Variants in DDX50 observed in about 807,000 individuals in gnomAD.
DDX50 encodes the protein ATP-dependent RNA helicase DDX50.
A neutral mutation model predicts 94.8 loss-of-function variants in DDX50; 56 were observed. The ratio of observed to expected loss-of-function variants is 0.59; its 90% confidence interval spans 0.48 to 0.74. The LOEUF is 0.74. Among genes scored for constraint, DDX50 ranks in the 30% least tolerant of loss-of-function variants. The pLI, the probability that DDX50 is intolerant of heterozygous loss-of-function variation, is 0.00. For synonymous variants in DDX50, 264 were observed against 295.4 expected, an observed-to-expected ratio of 0.89 and a Z score of 1.09; for missense variants, 713 against 881.2, an observed-to-expected ratio of 0.81 and a Z score of 2.42.
intron 8 of DDX50, among the ~76,000 whole-genome samples, chr10:68,930,307 G>A (rs563889934): frequency 6.6e-6 from 1 of 151,534 alleles, no homozygotes; most frequent in South Asian, 2.1e-4. Flanking sequence ...TAGTAGAGAC[G>A]GGGTTTCACC....
intron 14 of DDX50, among the ~76,000 whole-genome samples, chr10:68,945,290 A>T (rs1210237929): frequency 1.4e-5 from 2 of 147,604 alleles, no homozygotes; most frequent in Admixed American, 6.9e-5. Flanking sequence ...CCTTAGCAAC[A>T]GGGTGTCTTA....
intron 13 of DDX50, among the ~76,000 whole-genome samples, chr10:68,941,464 A>G (rs922062489): frequency 9.9e-5 from 15 of 152,020 alleles, no homozygotes; most frequent in African/African-American, 3.6e-4. Context: ...ACATGTGTTT[A>G]TTCTCTTTTT....
chr10:68,912,388 A>T (rs1841651540), intron 4 of DDX50, among the ~76,000 whole-genome samples: 1 of 151,732 alleles, frequency 6.6e-6, no homozygotes, highest in Non-Finnish European at 1.5e-5. Context: ...CTAATTTTTT[A>T]TTTTTTGTAG....
chr10:68,938,527 TG>T (rs1412470210), intron 12 of DDX50, among the ~76,000 whole-genome samples: 3 of 152,168 alleles, frequency 2.0e-5, no homozygotes, highest in Non-Finnish European at 4.4e-5. Flanking sequence ...AGCCTGCTGG[TG>T]GGATTTTCAA....
chr10:68,924,254 G>A (rs1311568196), intron 8 of DDX50, among the ~76,000 whole-genome samples: 1 of 152,098 alleles, frequency 6.6e-6, no homozygotes, highest in Non-Finnish European at 1.5e-5. Context: ...TTACAGGCAT[G>A]AGCCACCGTG....
intron 3 of DDX50, among the ~76,000 whole-genome samples, chr10:68,910,692 C>T (rs1043150523): frequency 3.3e-5 from 5 of 152,198 alleles, no homozygotes; most frequent in African/African-American, 9.7e-5. Context: ...TGAGCCACCA[C>T]GGCTGGCCCA....
intron 4 of DDX50, among the ~76,000 whole-genome samples, 171 bp downstream of exon 4, chr10:68,911,417 G>A (rs535877403): frequency 7.2e-5 from 11 of 152,286 alleles, no homozygotes; most frequent in Non-Finnish European, 1.5e-4. Context: ...TTAAAGTGAA[G>A]TAGTTTTTGC....
chr10:68,912,505 C>T (rs1034057923), intron 4 of DDX50, among the ~76,000 whole-genome samples: 5 of 152,134 alleles, frequency 3.3e-5, no homozygotes, highest in Admixed American at 6.6e-5. Context: ...TGAGCCTCCA[C>T]GCCTGGCCCC....
chr10:68,919,410 A>T (rs983476746), intron 7 of DDX50, among the ~76,000 whole-genome samples: 5 of 152,102 alleles, frequency 3.3e-5, no homozygotes, highest in African/African-American at 1.2e-4. Flanking sequence ...AAGTTCCCTC[A>T]TGCCCCGTCC....
rs879365895 is a variant in DDX50, at chr10:68,929,311, CTCTTTCTT to C, written c.1240-4884_1240-4877del. On this transcript the variant is annotated intron_variant, in intron 8 of 14. Transcript: ENST00000373585. The stretch of plus-strand genomic sequence containing the variant: ...TTCCTTCCTCTCTCTCTCTCTCTCT[CTCTTTCTT>C]TCTCTTTCTTTCTTTCCTTCCTTCC... 2.2e-5 allele frequency among the ~76,000 whole-genome samples: 3 copies of C among 138,756 alleles called. No individual in the cohort carries two copies. In the South Asian group the frequency reaches 6.9e-4, roughly 32 times the overall value. 91.0% of individuals were successfully genotyped at this position (138,756 alleles called of 152,430 possible). A position where few individuals can be genotyped will look rare whatever the true frequency, so the allele number is the denominator to read the frequency against.
intron 2 of DDX50, 144 bp downstream of exon 2, chr10:68,907,151 A>C: frequency 1.3e-6 from 1 of 798,552 alleles, no homozygotes; most frequent in Non-Finnish European, 1.9e-6. Context: ...TGTACAGGTG[A>C]AGCCTGAGCC....
chr10:68,931,434 C>CACACACACACACACAT (rs1842270534), intron 8 of DDX50, among the ~76,000 whole-genome samples: 1 of 139,450 alleles, frequency 7.2e-6, no homozygotes, highest in South Asian at 2.3e-4. Context: ...TATACACAAA[C>CACACACACACACACAT]ACACACACAC....
chr10:68,912,011 G>A (rs1286920231), intron 4 of DDX50, among the ~76,000 whole-genome samples: 1 of 152,116 alleles, frequency 6.6e-6, no homozygotes, highest in African/African-American at 2.4e-5. Flanking sequence ...CTCCTGAGTG[G>A]TATTATAAGA....
At chr10:68,923,348 C>T (rs1029630180) in intron 8 of DDX50, among the ~76,000 whole-genome samples, 4 of 149,432 alleles carry the variant, frequency 2.7e-5, no homozygotes, top group Non-Finnish European at 4.4e-5. Flanking sequence ...GTACCTGAAA[C>T]CACAGGTGCA....
At chr10:68,904,887 C>CA (rs1491208819) in intron 1 of DDX50, among the ~76,000 whole-genome samples, 1 of 152,174 alleles carries the variant, frequency 6.6e-6, no homozygotes, top group Non-Finnish European at 1.5e-5. Flanking sequence ...GTTCAATTCT[C>CA]ACAGCAATTC....
Position 68,914,042 on chromosome 10 carries a change from C to G in DDX50, c.944-17C>G. 1 of 1,559,916 alleles carries G rather than the reference C, an allele frequency of 6.4e-7. No homozygotes were observed. The highest frequency in any genetic ancestry group is 8.6e-7 in the Non-Finnish European group (1 of 1,159,992). On this transcript the variant is annotated splice_polypyrimidine_tract_variant and intron_variant, in intron 6 of 14. Transcript: ENST00000373585. ...GGGAAATTAAGAAAACATTTGAATT[C>G]TTTTTGTTTATTTAAGATTCTGAAG...
rs1009812964 is a variant in DDX50, at chr10:68,943,314, G to A, written c.1935+57G>A. On this transcript the variant is annotated intron_variant, in intron 14 of 14. Coordinates refer to ENST00000373585, the MANE Select transcript of DDX50 (RefSeq NM_024045.2). ...GAGTACATTCTCTAACATTTAGATT[G>A]GGATATTTTGGGAAACATAGTCACA... 5.7e-6 allele frequency: 8 copies of A among 1,394,796 alleles called. No homozygotes were observed. The Admixed American group carries it at 1.4e-4, about 25-fold the overall frequency. The allele number at this position is 1,394,796 out of a possible 1,614,324, so 86.4% of individuals were successfully genotyped here. A position where few individuals can be genotyped will look rare whatever the true frequency, so the allele number is the denominator to read the frequency against.
In DDX50 at chr10:68,929,085, T is replaced by A. The variant is rs375805903; in HGVS notation, c.1240-5114T>A. Among the ~76,000 whole-genome samples, 23 of 151,930 alleles carry A rather than the reference T, an allele frequency of 1.5e-4. 1 individual carries two copies. In the East Asian group the frequency reaches 3.7e-3, roughly 25 times the overall value. Reference sequence around the variant, plus strand: ...TGCGTCAGCCTCCCGAAGCTTGTATTACAGGCGTGTGCCACCACGCCTCGC... The same window carrying A: ...TGCGTCAGCCTCCCGAAGCTTGTATAACAGGCGTGTGCCACCACGCCTCGC... On this transcript the variant is annotated intron_variant, in intron 8 of 14. Transcript: ENST00000373585.
At chr10:68,911,621 C>T (rs1589251722) in intron 4 of DDX50, 1 of 156,024 alleles carries the variant, frequency 6.4e-6, no homozygotes, top group East Asian at 1.8e-4. Flanking sequence ...AAATGTTCAG[C>T]ATCATTTATT....
Sources: gnomAD v4.1 joint callset for allele counts (sites outside exome capture counted in the v4.1 genomes callset) on GRCh38, gnomAD v4.1.1 for gene constraint, MANE v1.5 for transcripts, NCBI Gene and HGNC (gene_info 2026-07-23, HGNC 2026-07-21) for gene names.